Variants in PRKAR2B observed in about 807,000 individuals in gnomAD.
PRKAR2B encodes the protein cAMP-dependent protein kinase type II-beta regulatory subunit.
A neutral mutation model predicts 49.9 loss-of-function variants in PRKAR2B; 14 were observed. That is an observed-to-expected ratio of 0.28 (90% CI 0.19 to 0.44). The LOEUF (loss-of-function observed/expected upper bound fraction) is 0.44, where lower values mean the gene tolerates loss of function less well. PRKAR2B is among the 20% of genes least tolerant of loss of function. The pLI is 1.00. For missense variants in PRKAR2B, 393 were observed against 537.9 expected (o/e 0.73, Z 2.67); for synonymous variants, 196 against 197.7 (o/e 0.99, Z 0.07).
intron 2 of PRKAR2B, among the ~76,000 whole-genome samples, chr7:107,099,648 T>G (rs1251184505): frequency 6.6e-6 from 1 of 151,706 alleles, no homozygotes; most frequent in Non-Finnish European, 1.5e-5. Flanking sequence ...TCTTTTTTTT[T>G]TTTTTTTTGA....
chr7:107,118,031 A>G (rs1201470608), intron 2 of PRKAR2B, among the ~76,000 whole-genome samples: 1 of 152,224 alleles, frequency 6.6e-6, no homozygotes, highest in Non-Finnish European at 1.5e-5. Flanking sequence ...AGGATGAAGT[A>G]TATAGTTTCA....
intron 2 of PRKAR2B, among the ~76,000 whole-genome samples, chr7:107,088,188 G>C (rs776138353): frequency 1.4e-4 from 22 of 152,200 alleles, no homozygotes; most frequent in Non-Finnish European, 2.6e-4. Flanking sequence ...TTTGAATCCA[G>C]TGAGCCACTC....
chr7:107,148,721 T>G (rs1450356500), intron 6 of PRKAR2B, among the ~76,000 whole-genome samples: 1 of 152,160 alleles, frequency 6.6e-6, no homozygotes, highest in Non-Finnish European at 1.5e-5. Flanking sequence ...AATACAGGTG[T>G]GTAAAGATAA....
chr7:107,088,833 C>G (rs904002622), intron 2 of PRKAR2B, among the ~76,000 whole-genome samples: 3 of 152,154 alleles, frequency 2.0e-5, no homozygotes, highest in Non-Finnish European at 4.4e-5. Flanking sequence ...CTCCTGGCCT[C>G]AAGTGATCCA....
intron 1 of PRKAR2B, among the ~76,000 whole-genome samples, chr7:107,046,176 C>T (rs181271241): frequency 3.9e-5 from 6 of 152,308 alleles, no homozygotes; most frequent in Non-Finnish European, 5.9e-5. Context: ...TTTACAGCCC[C>T]TTGTATTACA....
intron 2 of PRKAR2B, among the ~76,000 whole-genome samples, chr7:107,071,528 T>C (rs1200483795): frequency 1.3e-5 from 2 of 152,204 alleles, no homozygotes; most frequent in Non-Finnish European, 2.9e-5. Flanking sequence ...AGGCGTCGAA[T>C]TTTATCCCAA....
At chr7:107,144,050 TTTC>T (rs1330004970) in intron 5 of PRKAR2B, among the ~76,000 whole-genome samples, 3 of 143,084 alleles carry the variant, frequency 2.1e-5, no homozygotes, top group South Asian at 2.3e-4. Context: ...AACCAATTCT[TTTC>T]TTATTTATTT....
chr7:107,157,272 T>C lies in PRKAR2B; in HGVS notation c.1071T>C (p.Thr357=). The change falls in exon 10 of 11, where the codon ACT becomes ACC. Residue 357 remains threonine (T), a synonymous_variant. Coordinates refer to ENST00000265717, the MANE Select transcript of PRKAR2B (RefSeq NM_002736.3). The part of the protein sequence containing the change: ...GQYFGELALV[T]NKPRAASAHA... ...ACTTTGGAGAGCTTGCCCTGGTAAC[T>C]AACAAACCTCGAGCAGCTTCTGCCC... 6.2e-7 allele frequency: 1 copy of C among 1,614,218 alleles called. No homozygotes were observed. The highest frequency in any genetic ancestry group is 8.5e-7 in the Non-Finnish European group (1 of 1,180,040).
At chr7:107,053,781 CA>C (rs1793855592) in intron 1 of PRKAR2B, among the ~76,000 whole-genome samples, 1 of 151,794 alleles carries the variant, frequency 6.6e-6, no homozygotes, top group Non-Finnish European at 1.5e-5. Context: ...GTGGATGGGA[CA>C]AAGAGAATCG....
intron 3 of PRKAR2B, among the ~76,000 whole-genome samples, chr7:107,122,326 A>G (rs1472961658): frequency 6.6e-6 from 1 of 152,202 alleles, no homozygotes; most frequent in Non-Finnish European, 1.5e-5. Flanking sequence ...AAGACCTTCT[A>G]CGCCTATTAA....
intron 6 of PRKAR2B, among the ~76,000 whole-genome samples, chr7:107,149,842 TTAAAATAAATGTAA>T (rs1795951078): frequency 6.6e-6 from 1 of 152,178 alleles, no homozygotes; most frequent in Non-Finnish European, 1.5e-5. Context: ...ATTGTATATT[TTAAAATAAATGTAA>T]TTGGATTTTT....
chr7:107,158,954 G>A (rs60972363), intron 10 of PRKAR2B, among the ~76,000 whole-genome samples: 3,047 of 152,186 alleles, frequency 0.02, 106 homozygotes, highest in African/African-American at 0.068. Flanking sequence ...GTAAACAAAA[G>A]CATTATGTCA....
intron 2 of PRKAR2B, among the ~76,000 whole-genome samples, chr7:107,119,958 A>C (rs1330465429): frequency 2.0e-5 from 3 of 152,218 alleles, no homozygotes; most frequent in Non-Finnish European, 4.4e-5. Context: ...TCATGTGTAG[A>C]ATAGTGGTTA....
At chr7:107,069,484 A>C (rs538356260) in intron 1 of PRKAR2B, 3 of 152,320 alleles carry the variant, frequency 2.0e-5, no homozygotes, top group Non-Finnish European at 4.4e-5. Flanking sequence ...TGCATAGTAC[A>C]TTGTGTCCTT....
intron 5 of PRKAR2B, 105 bp downstream of exon 5, chr7:107,141,058 C>A: frequency 2.7e-6 from 2 of 748,858 alleles, no homozygotes; most frequent in Non-Finnish European, 4.4e-6. Flanking sequence ...GTTGTTATTG[C>A]CGCTACTCTT....
At chr7:107,095,943 G>A (rs1472348754) in intron 2 of PRKAR2B, among the ~76,000 whole-genome samples, 3 of 152,180 alleles carry the variant, frequency 2.0e-5, no homozygotes, top group Non-Finnish European at 4.4e-5. Context: ...ATGTTCATCA[G>A]GGATATTGGT....
intron 3 of PRKAR2B, among the ~76,000 whole-genome samples, chr7:107,123,087 G>C (rs867192349): frequency 6.6e-6 from 1 of 152,178 alleles, no homozygotes; most frequent in South Asian, 2.1e-4. Context: ...ACAATACCGG[G>C]TGGCAATGAA....
At chr7:107,122,086 A>C in intron 3 of PRKAR2B, 82 bp downstream of exon 3, 2 of 936,574 alleles carry the variant, frequency 2.1e-6, no homozygotes, top group South Asian at 1.7e-5. Flanking sequence ...AAGATTTAAC[A>C]GGCATGTAGG....
At chr7:107,067,933 A>C (rs1055283326) in intron 1 of PRKAR2B, among the ~76,000 whole-genome samples, 2 of 152,202 alleles carry the variant, frequency 1.3e-5, no homozygotes, top group Admixed American at 1.3e-4. Flanking sequence ...TTATAAATGG[A>C]CTTTTTTTTG....
Sources: allele counts gnomAD v4.1 joint callset (sites outside exome capture counted in the v4.1 genomes callset), GRCh38; gene constraint gnomAD v4.1.1; transcripts MANE v1.5; gene names NCBI Gene and HGNC (gene_info 2026-07-23, HGNC 2026-07-21).